Variants in TBC1D22A observed in about 807,000 individuals in gnomAD.
TBC1D22A encodes TBC1 domain family member 22A, also known as putative GTPase activator.
A neutral mutation model predicts 60.2 loss-of-function variants in TBC1D22A; 38 were observed. The observed-to-expected ratio is 0.63, with a 90% confidence interval of 0.49 to 0.83. The LOEUF is 0.83. TBC1D22A is among the 40% of genes least tolerant of loss of function. TBC1D22A has a pLI of 0.00. For synonymous variants in TBC1D22A, 302 were observed against 281.7 expected (o/e 1.07, Z -0.72); for missense variants, 628 against 701.0 (o/e 0.90, Z 1.18).
chr22:46,874,340 G>C (rs2067434481), intron 4 of TBC1D22A, among the ~76,000 whole-genome samples: 1 of 152,004 alleles, frequency 6.6e-6, no homozygotes, highest in Non-Finnish European at 1.5e-5. Flanking sequence ...TCTGTCTCTA[G>C]GTCTTTGAGG....
chr22:47,029,892 C>T (rs1460310292), intron 10 of TBC1D22A, among the ~76,000 whole-genome samples: 1 of 152,252 alleles, frequency 6.6e-6, no homozygotes, highest in Non-Finnish European at 1.5e-5. Flanking sequence ...TGGGCCGGGG[C>T]TGCTGCTCGT....
At chr22:46,880,037 G>A (rs981380535) in intron 5 of TBC1D22A, among the ~76,000 whole-genome samples, 1 of 152,182 alleles carries the variant, frequency 6.6e-6, no homozygotes, top group Non-Finnish European at 1.5e-5. Flanking sequence ...GAACCCCGGC[G>A]AGGCAAGTGA....
chr22:47,150,995 C>T (rs531713661), intron 12 of TBC1D22A, among the ~76,000 whole-genome samples: 2 of 152,138 alleles, frequency 1.3e-5, no homozygotes, highest in Non-Finnish European at 2.9e-5. Context: ...TGACTGATGG[C>T]CTTGCTCTTC....
At chr22:46,771,527 C>G (rs1369716355) in intron 1 of TBC1D22A, among the ~76,000 whole-genome samples, 2 of 152,020 alleles carry the variant, frequency 1.3e-5, no homozygotes, top group Admixed American at 1.3e-4. Context: ...CCATCCTTTT[C>G]CTCTGAGTCC....
chr22:47,060,602 T>C (rs1603209421), intron 11 of TBC1D22A, among the ~76,000 whole-genome samples: 1 of 152,300 alleles, frequency 6.6e-6, no homozygotes, highest in East Asian at 1.9e-4. Context: ...ACCTAATTTT[T>C]TGTGTTTTTA....
chr22:46,827,987 G>A (rs1007570031), intron 4 of TBC1D22A, among the ~76,000 whole-genome samples: 1 of 152,190 alleles, frequency 6.6e-6, no homozygotes, highest in Admixed American at 6.5e-5. Flanking sequence ...AGGCCTGTGC[G>A]TCGTGCAGTG....
chr22:46,931,462 T>A (rs2147891743), intron 8 of TBC1D22A, among the ~76,000 whole-genome samples: 1 of 152,366 alleles, frequency 6.6e-6, no homozygotes, highest in East Asian at 1.9e-4. Context: ...ATAAGAGGTA[T>A]CCTCCCACTT....
chr22:46,926,144 C>T (rs934304971), intron 8 of TBC1D22A, among the ~76,000 whole-genome samples: 4 of 152,128 alleles, frequency 2.6e-5, no homozygotes, highest in Admixed American at 1.3e-4. Context: ...AATATATCAG[C>T]ACTTACAGGA....
At chr22:47,056,908 G>C (rs1431384514) in intron 11 of TBC1D22A, among the ~76,000 whole-genome samples, 2 of 152,180 alleles carry the variant, frequency 1.3e-5, no homozygotes, top group African/African-American at 4.8e-5. Flanking sequence ...GGAGATGCAG[G>C]GGTGTCTGAC....
chr22:47,158,047 AC>A lies in TBC1D22A; in HGVS notation c.1426-15446del, dbSNP rs763976681. Among the ~76,000 whole-genome samples the A allele has an allele frequency of 4.0e-5, 6 of 151,538 alleles. No homozygotes were observed. In the East Asian group the frequency reaches 9.8e-4, roughly 25 times the overall value. On this transcript the variant is annotated intron_variant, in intron 12 of 12. Coordinates refer to ENST00000337137, the MANE Select transcript of TBC1D22A (RefSeq NM_014346.5). Reference sequence around the variant, plus strand: ...GGGCTTCCCCTACGGCCATCCTTGCACCCCCACCCCTGCATCTGTGAGGGCG... The same window carrying A: ...GGGCTTCCCCTACGGCCATCCTTGCACCCCACCCCTGCATCTGTGAGGGCG...
intron 4 of TBC1D22A, among the ~76,000 whole-genome samples, chr22:46,855,737 G>A (rs182414387): frequency 2.1e-3 from 317 of 152,218 alleles, no homozygotes; most frequent in Non-Finnish European, 2.8e-3. Context: ...TGAGCCAGCC[G>A]GGGGGGTTGA....
At position 47,081,384 on chromosome 22, in the gene TBC1D22A, C is replaced by T. The variant is rs1396525690; in HGVS notation, c.1330-30124C>T. On this transcript the variant is annotated intron_variant, in intron 11 of 12. Coordinates refer to ENST00000337137, the MANE Select transcript of TBC1D22A (RefSeq NM_014346.5). ...ACTCATAGAGTCTCACATCTTACCT[C>T]ATAATTAGTGGTGAAGTTATCAAAT... Among the ~76,000 whole-genome samples, 3 of 152,304 alleles carry T rather than the reference C, an allele frequency of 2.0e-5. No individual in the cohort carries two copies. The East Asian group carries it at 5.8e-4, about 29-fold the overall frequency.
At chr22:47,098,826 A>G (rs368927647) in intron 11 of TBC1D22A, among the ~76,000 whole-genome samples, 8 of 152,212 alleles carry the variant, frequency 5.3e-5, no homozygotes, top group Non-Finnish European at 8.8e-5. Context: ...CATTAGTCGC[A>G]CAGTGTCTCT....
At chr22:46,850,433 A>C (rs942406402) in intron 4 of TBC1D22A, among the ~76,000 whole-genome samples, 18 of 152,224 alleles carry the variant, frequency 1.2e-4, no homozygotes, top group Admixed American at 6.5e-5. Flanking sequence ...AATCTTGGGA[A>C]ATAACTATTA....
At chr22:46,954,364 G>C (rs2073078016) in intron 8 of TBC1D22A, among the ~76,000 whole-genome samples, 1 of 152,238 alleles carries the variant, frequency 6.6e-6, no homozygotes, top group Admixed American at 6.5e-5. Context: ...ACACTGGGAA[G>C]TGTTTCTTGG....
chr22:47,153,022 C>A lies in TBC1D22A; in HGVS notation c.1426-20476C>A, dbSNP rs1422906921. ...AAAGGAGGTCCGAGGCAGGCAGTTC[C>A]AGGCTGGAACAGCAGCCTCGGTGCT... On this transcript the variant is annotated intron_variant, in intron 12 of 12. Coordinates refer to ENST00000337137, the MANE Select transcript of TBC1D22A (RefSeq NM_014346.5). Among the ~76,000 whole-genome samples the A allele has an allele frequency of 3.3e-5, 5 of 152,204 alleles. No homozygotes were observed. The East Asian group carries it at 9.6e-4, about 29-fold the overall frequency.
intron 1 of TBC1D22A, among the ~76,000 whole-genome samples, chr22:46,780,452 G>C (rs1243470073): frequency 6.7e-6 from 1 of 150,118 alleles, no homozygotes; most frequent in Non-Finnish European, 1.5e-5. Context: ...AAAAAAAAAA[G>C]CTGTTCTGAT....
rs564939934 is a variant in TBC1D22A, at chr22:46,828,359, C to T, written c.637+30739C>T. ...AGAAGCCTTTGAAGCAGCCTGTTGT[C>T]CTCTTAGTTGTTCACATTCTGGTTC... On this transcript the variant is annotated intron_variant, in intron 4 of 12. Transcript: ENST00000337137. Among the ~76,000 whole-genome samples the T allele has an allele frequency of 1.4e-4, 21 of 152,362 alleles. No homozygotes were observed. The East Asian group carries it at 3.7e-3, about 27-fold the overall frequency.
At chr22:46,797,422 C>A (rs777035537) in intron 3 of TBC1D22A, 22 bp from the exon 4 acceptor site, 1 of 1,611,760 alleles carries the variant, frequency 6.2e-7, no homozygotes, top group Non-Finnish European at 8.5e-7. Context: ...TCACCCTCAC[C>A]CCCATTCTCT....
Sources: allele counts gnomAD v4.1 joint callset (sites outside exome capture counted in the v4.1 genomes callset), GRCh38; gene constraint gnomAD v4.1.1; transcripts MANE v1.5; gene names NCBI Gene and HGNC (gene_info 2026-07-23, HGNC 2026-07-21).